The following KATNBL1 variants were observed in gnomAD, a reference collection of about 807,000 sequenced individuals.
KATNBL1 encodes katanin regulatory subunit B1 like 1, also known as KATNB1-like protein 1.
In KATNBL1, 28 loss-of-function variants were observed where a neutral mutation model predicts 44.7. That is an observed-to-expected ratio of 0.63 (90% CI 0.46 to 0.86). The LOEUF (loss-of-function observed/expected upper bound fraction) is 0.86, where lower values mean the gene tolerates loss of function less well. KATNBL1 is among the 40% of genes least tolerant of loss of function. The pLI, the probability that KATNBL1 is intolerant of heterozygous loss-of-function variation, is 0.00. For missense variants in KATNBL1, 272 were observed against 350.7 expected, an observed-to-expected ratio of 0.78 and a Z score of 1.79; for synonymous variants, 78 against 114.9, an observed-to-expected ratio of 0.68 and a Z score of 2.06.
chr15:34,195,073 G>A (rs1889993957), intron 1 of KATNBL1, among the ~76,000 whole-genome samples: 2 of 152,172 alleles, frequency 1.3e-5, no homozygotes, highest in South Asian at 4.1e-4. Flanking sequence ...ACCACTATAT[G>A]ATCCAGCAAT....
At chr15:34,181,629 TCC>T (rs1889538226) in intron 1 of KATNBL1, among the ~76,000 whole-genome samples, 1 of 100,296 alleles carries the variant, frequency 1.0e-5, no homozygotes, top group Non-Finnish European at 2.2e-5. Flanking sequence ...CATATATATG[TCC>T]ATATATATAC....
chr15:34,153,934 GTTAA>G (rs1050608806), intron 3 of KATNBL1, among the ~76,000 whole-genome samples: 3 of 152,018 alleles, frequency 2.0e-5, no homozygotes, highest in Admixed American at 6.6e-5. Flanking sequence ...TAAATCATTT[GTTAA>G]TTCATTCAAA....
intron 2 of KATNBL1, among the ~76,000 whole-genome samples, chr15:34,157,130 G>A (rs1310869266): frequency 6.6e-6 from 1 of 152,174 alleles, no homozygotes; most frequent in African/African-American, 2.4e-5. Flanking sequence ...GCATCACAAG[G>A]CAAGCATCAA....
intron 1 of KATNBL1, among the ~76,000 whole-genome samples, chr15:34,203,369 C>CTA (rs35038828): frequency 6.6e-6 from 1 of 152,090 alleles, no homozygotes; most frequent in African/African-American, 2.4e-5. Context: ...CTCCTTTAGA[C>CTA]TATATAATAG....
At chr15:34,176,947 T>C (rs1176722001) in intron 1 of KATNBL1, among the ~76,000 whole-genome samples, 1 of 152,178 alleles carries the variant, frequency 6.6e-6, no homozygotes, top group Non-Finnish European at 1.5e-5. Flanking sequence ...GTCAGGCCTC[T>C]ATGCGCTTTT....
chr15:34,197,236 T>A (rs1239376011), intron 1 of KATNBL1, among the ~76,000 whole-genome samples: 3 of 152,226 alleles, frequency 2.0e-5, no homozygotes, highest in Non-Finnish European at 4.4e-5. Context: ...GAAGTTGTAT[T>A]TTTCTTACGT....
chr15:34,161,824 A>G (rs1467958006), intron 2 of KATNBL1, among the ~76,000 whole-genome samples: 1 of 152,178 alleles, frequency 6.6e-6, no homozygotes, highest in East Asian at 1.9e-4. Flanking sequence ...GTGAGTATAA[A>G]GGCTAGAAGG....
chr15:34,143,081 C>T, intron 9 of KATNBL1: 1 of 1,159,000 alleles, frequency 8.6e-7, no homozygotes, highest in South Asian at 1.3e-5. Context: ...AAAGTCTCAT[C>T]ATAAGGAACT....
At chr15:34,150,904 C>G (rs1018092556) in intron 4 of KATNBL1, among the ~76,000 whole-genome samples, 36 of 152,134 alleles carry the variant, frequency 2.4e-4, no homozygotes, top group Non-Finnish European at 3.8e-4. Context: ...GGATAATGGC[C>G]TCCAGGTTCA....
intron 1 of KATNBL1, among the ~76,000 whole-genome samples, chr15:34,192,538 G>A (rs140626995): frequency 6.6e-6 from 1 of 152,284 alleles, no homozygotes; most frequent in Non-Finnish European, 1.5e-5. Context: ...AGAGAAAATG[G>A]CATGTCTCTT....
intron 1 of KATNBL1, among the ~76,000 whole-genome samples, chr15:34,181,166 T>TTACA (rs113074640): frequency 0.12 from 18,133 of 152,142 alleles, 1,178 homozygotes; most frequent in Non-Finnish European, 0.15. Flanking sequence ...TGCTGTATGG[T>TTACA]GTTCAAGTAC....
At chr15:34,194,994 G>T (rs1381531421) in intron 1 of KATNBL1, among the ~76,000 whole-genome samples, 1 of 152,198 alleles carries the variant, frequency 6.6e-6, no homozygotes, top group South Asian at 2.1e-4. Context: ...TATACTATTT[G>T]TGGGAATGTA....
intron 1 of KATNBL1, among the ~76,000 whole-genome samples, chr15:34,189,482 G>C (rs1191718603): frequency 1.3e-5 from 2 of 152,098 alleles, no homozygotes; most frequent in African/African-American, 4.8e-5. Flanking sequence ...AAAAGTTTGA[G>C]GCAAAAAGAC....
At chr15:34,207,053 T>C (rs1217080685) in intron 1 of KATNBL1, among the ~76,000 whole-genome samples, 73 of 132,444 alleles carry the variant, frequency 5.5e-4, no homozygotes, top group East Asian at 4.9e-3. Context: ...TTTTTTTTTT[T>C]CCCTGAGACA....
intron 1 of KATNBL1, among the ~76,000 whole-genome samples, chr15:34,169,653 C>A: frequency 6.6e-6 from 1 of 152,162 alleles, no homozygotes; most frequent in Middle Eastern, 3.2e-3. Context: ...GAATTTTAGA[C>A]CAATATCCCT....
intron 1 of KATNBL1, 129 bp from the exon 2 acceptor site, chr15:34,163,819 C>A: frequency 2.0e-6 from 1 of 498,654 alleles, no homozygotes; most frequent in Non-Finnish European, 3.4e-6. Flanking sequence ...TTAATTTACA[C>A]ATTTTTAAAA....
chr15:34,145,423 G>C lies in KATNBL1; in HGVS notation c.857C>G (p.Pro286Arg). 1.4e-6 allele frequency: 2 copies of C among 1,469,074 alleles called. No homozygotes were observed. Among genetic ancestry groups the C allele is most frequent in the South Asian group, 3.1e-5 (2 of 63,958 alleles). 91.0% of individuals were successfully genotyped at this position (1,469,074 alleles called of 1,614,324 possible). ...WEQENHLTLV[P>R]GYTGNIAKDV... Reference sequence around the variant, plus strand: ...CTTAGCTATATTACCAGTATATCCTGGAACCAAAGTAAGATGGTTTTCCTG... The same window carrying C: ...CTTAGCTATATTACCAGTATATCCTCGAACCAAAGTAAGATGGTTTTCCTG... The change falls in exon 9 of 10, where the codon CCA becomes CGA. Residue 286 changes from proline to arginine, a missense_variant. Physicochemically the swap from Pro to Arg is moderately radical, Grantham distance 103. This residue lies in a region of KATNBL1 where 39 missense variants were observed against 76.3 expected (regional missense o/e 0.51). Coordinates refer to ENST00000256544, the MANE Select transcript of KATNBL1 (RefSeq NM_024713.3).
At chr15:34,155,767 T>C (rs117324311) in intron 2 of KATNBL1, among the ~76,000 whole-genome samples, 10,336 of 152,288 alleles carry the variant, frequency 0.068, 393 homozygotes, top group Middle Eastern at 0.1. Context: ...ATCTCTAGTA[T>C]AGTTAATAAA....
intron 4 of KATNBL1, among the ~76,000 whole-genome samples, chr15:34,151,436 C>CTTTTT (rs58824450): frequency 6.1e-4 from 37 of 60,702 alleles, no homozygotes; most frequent in African/African-American, 1.7e-3. Context: ...CCTTTGCCTA[C>CTTTTT]TTTTTTTTTT....
Sources: gnomAD v4.1 joint callset for allele counts (sites outside exome capture counted in the v4.1 genomes callset) on GRCh38, gnomAD v4.1.1 for gene constraint, gnomAD v4.1.1 regional missense constraint, MANE v1.5 for transcripts, NCBI Gene and HGNC (gene_info 2026-07-23, HGNC 2026-07-21) for gene names.